GNA12: variants seen among roughly 807,000 people sequenced by gnomAD.
GNA12 encodes the protein guanine nucleotide-binding protein subunit alpha-12.
Under a neutral mutation model 26.0 loss-of-function variants are expected in GNA12, and 9 were observed. That is an observed-to-expected ratio of 0.35 (90% CI 0.21 to 0.60). The LOEUF is 0.60. Ranked by LOEUF, GNA12 falls within the 20% of genes least tolerant of loss-of-function variation. GNA12 has a pLI of 0.78. For missense variants in GNA12, 405 were observed against 525.8 expected (o/e 0.77, Z 2.25); for synonymous variants, 264 against 219.6 (o/e 1.20, Z -1.79).
At chr7:2,823,896 A>G (rs908021275) in intron 1 of GNA12, among the ~76,000 whole-genome samples, 3 of 152,206 alleles carry the variant, frequency 2.0e-5, no homozygotes, top group African/African-American at 7.2e-5. Flanking sequence ...TAGAAAACAG[A>G]GATAAGGGCA....
In GNA12 at chr7:2,738,953, C is replaced by T. The variant is rs187928182; in HGVS notation, c.526-5452G>A. On this transcript the variant is annotated intron_variant, in intron 2 of 3. Coordinates refer to ENST00000275364, the MANE Select transcript of GNA12 (RefSeq NM_007353.3). ...CTCGTGGCTGTGCCTGTGGACACCT[C>T]GTCTCCAAGCCTGGCACACAGCCAC... Among the ~76,000 whole-genome samples the T allele has an allele frequency of 1.2e-3, 179 of 152,198 alleles. No homozygotes were observed. The East Asian group carries it at 0.026, about 22-fold the overall frequency.
At chr7:2,754,576 C>A (rs1003726608) in intron 2 of GNA12, among the ~76,000 whole-genome samples, 2 of 136,640 alleles carry the variant, frequency 1.5e-5, no homozygotes, top group African/African-American at 2.7e-5. Flanking sequence ...GACCTCATCT[C>A]TACTTTAAAA....
At chr7:2,746,795 G>A (rs1790785773) in intron 2 of GNA12, among the ~76,000 whole-genome samples, 2 of 152,200 alleles carry the variant, frequency 1.3e-5, no homozygotes, top group Non-Finnish European at 1.5e-5. Flanking sequence ...GAAGAAAAGA[G>A]AGAAGAATCA....
At chr7:2,799,792 G>A (rs1446304239) in intron 1 of GNA12, among the ~76,000 whole-genome samples, 1 of 152,156 alleles carries the variant, frequency 6.6e-6, no homozygotes, top group African/African-American at 2.4e-5. Context: ...TCAGGAAAAA[G>A]CAGATCGAGA....
At chr7:2,804,223 C>T (rs1260059122) in intron 1 of GNA12, among the ~76,000 whole-genome samples, 1 of 152,202 alleles carries the variant, frequency 6.6e-6, no homozygotes, top group Non-Finnish European at 1.5e-5. Context: ...AAATTCAAGT[C>T]AGGATCTGCA....
At chr7:2,796,357 T>C (rs928030475) in intron 1 of GNA12, among the ~76,000 whole-genome samples, 6 of 152,228 alleles carry the variant, frequency 3.9e-5, no homozygotes, top group Non-Finnish European at 8.8e-5. Context: ...ATATGGTCTC[T>C]CCTTCTGTCT....
At chr7:2,828,500 T>C (rs758058161) in intron 1 of GNA12, among the ~76,000 whole-genome samples, 7 of 151,914 alleles carry the variant, frequency 4.6e-5, no homozygotes, top group Non-Finnish European at 5.9e-5. Flanking sequence ...ATTACAGGCA[T>C]GAGCCTCCAC....
chr7:2,811,609 C>T (rs779306298), intron 1 of GNA12, among the ~76,000 whole-genome samples: 9 of 152,320 alleles, frequency 5.9e-5, no homozygotes, highest in South Asian at 2.1e-4. Context: ...TGAAAGCACA[C>T]GGCACAGATT....
intron 1 of GNA12, among the ~76,000 whole-genome samples, chr7:2,825,653 A>G (rs953904513): frequency 6.6e-6 from 1 of 152,220 alleles, no homozygotes; most frequent in South Asian, 2.1e-4. Context: ...GAGGGCCGCT[A>G]TAGTTTTGTA....
At chr7:2,829,168 G>C (rs1032288608) in intron 1 of GNA12, among the ~76,000 whole-genome samples, 1 of 152,084 alleles carries the variant, frequency 6.6e-6, no homozygotes, top group Non-Finnish European at 1.5e-5. Flanking sequence ...CCAGCTATTC[G>C]TACAAAAGGC....
rs1446793237 is a variant in GNA12, at chr7:2,748,853, C to G, written c.526-15352G>C. Among the ~76,000 whole-genome samples the G allele has an allele frequency of 3.8e-3, 576 of 152,174 alleles. 18 individuals are homozygous for G. Among genetic ancestry groups the G allele is most frequent in the Admixed American group, 0.036 (552 of 15,280 alleles). ...ACCCCATCAAAAAGTGGGCAAAGGA[C>G]ATGAACAGACACTTCTCAAAAAAAG... On this transcript the variant is annotated intron_variant, in intron 2 of 3. Coordinates refer to ENST00000275364, the MANE Select transcript of GNA12 (RefSeq NM_007353.3).
At chr7:2,825,194 C>G (rs1405294972) in intron 1 of GNA12, among the ~76,000 whole-genome samples, 3 of 152,214 alleles carry the variant, frequency 2.0e-5, no homozygotes, top group Non-Finnish European at 1.5e-5. Flanking sequence ...GTGGGGGAAG[C>G]CCGAGAAACA....
chr7:2,736,208 G>A (rs1790166353), intron 2 of GNA12, among the ~76,000 whole-genome samples: 1 of 152,146 alleles, frequency 6.6e-6, no homozygotes, highest in Non-Finnish European at 1.5e-5. Context: ...CCGCTTGGTG[G>A]GTTTATAAAG....
intron 2 of GNA12, among the ~76,000 whole-genome samples, chr7:2,734,931 A>G (rs979498683): frequency 2.0e-4 from 30 of 152,208 alleles, no homozygotes; most frequent in African/African-American, 7.0e-4. Flanking sequence ...GCCCGGCACG[A>G]CTGACCTCTC....
intron 1 of GNA12, among the ~76,000 whole-genome samples, chr7:2,805,305 ACT>A (rs1792918162): frequency 6.6e-6 from 1 of 152,356 alleles, no homozygotes; most frequent in Admixed American, 6.5e-5. Flanking sequence ...TTTATAAATA[ACT>A]CTGCGAGGAA....
intron 2 of GNA12, among the ~76,000 whole-genome samples, chr7:2,752,188 T>A (rs1322366864): frequency 1.3e-5 from 2 of 151,992 alleles, no homozygotes; most frequent in Admixed American, 1.3e-4. Flanking sequence ...AAAATACGAA[T>A]GTTTCAATAG....
intron 1 of GNA12, among the ~76,000 whole-genome samples, chr7:2,795,976 A>G (rs1430940921): frequency 6.6e-6 from 1 of 151,966 alleles, no homozygotes; most frequent in Non-Finnish European, 1.5e-5. Context: ...ACCTGCCACC[A>G]GGCCCGGCTA....
At chr7:2,785,058 T>G (rs1466189763) in intron 2 of GNA12, among the ~76,000 whole-genome samples, 1 of 152,204 alleles carries the variant, frequency 6.6e-6, no homozygotes, top group Non-Finnish European at 1.5e-5. Flanking sequence ...GGTTTATAAG[T>G]ATATAATACT....
chr7:2,761,803 C>G lies in GNA12; in HGVS notation c.526-28302G>C, dbSNP rs559674812. Among the ~76,000 whole-genome samples the G allele has an allele frequency of 3.3e-5, 5 of 152,308 alleles. No homozygotes were observed. In the East Asian group the frequency reaches 9.6e-4, roughly 29 times the overall value. ...CGTTCATTAAAACGTGAAGAGATGA[C>G]CAACTAATGCTGCTTTCATACCCTG... is the stretch of plus-strand genomic sequence containing the variant. On this transcript the variant is annotated intron_variant, in intron 2 of 3. Transcript: ENST00000275364.
Sources: gnomAD v4.1 joint callset for allele counts (sites outside exome capture counted in the v4.1 genomes callset) on GRCh38, gnomAD v4.1.1 for gene constraint, MANE v1.5 for transcripts, NCBI Gene and HGNC (gene_info 2026-07-23, HGNC 2026-07-21) for gene names.